FRAS1: variants seen among roughly 807,000 people sequenced by gnomAD.
FRAS1 encodes the protein Fraser extracellular matrix complex subunit 1.
In FRAS1, 290 loss-of-function variants were observed where a neutral mutation model predicts 435.2. That is an observed-to-expected ratio of 0.67 (90% confidence interval 0.61 to 0.73). The LOEUF (loss-of-function observed/expected upper bound fraction) is 0.73. Ranked by LOEUF, FRAS1 falls within the 30% of genes least tolerant of loss-of-function variation. FRAS1 has a pLI of 0.00. For synonymous variants in FRAS1, 1,800 were observed against 1,851.0 expected, an observed-to-expected ratio of 0.97 and a Z score of 0.71; for missense variants, 4,860 against 5,001.5, an observed-to-expected ratio of 0.97 and a Z score of 0.85.
chr4:78,429,062 GTCTC>G (rs777177331), intron 35 of FRAS1, 29 bp from the exon 36 acceptor site: 10 of 1,542,576 alleles, frequency 6.5e-6, no homozygotes, highest in Non-Finnish European at 8.8e-6. Flanking sequence ...GTGTGTGTGT[GTCTC>G]TGTGTGTGTG....
At chr4:78,189,695 G>C (rs1185723149) in intron 2 of FRAS1, among the ~76,000 whole-genome samples, 1 of 152,076 alleles carries the variant, frequency 6.6e-6, no homozygotes, top group East Asian at 1.9e-4. Flanking sequence ...CTCTAGCCCT[G>C]ACCTCTCCCA....
chr4:78,406,086 A>G (rs1184825079), intron 30 of FRAS1, among the ~76,000 whole-genome samples: 1 of 152,220 alleles, frequency 6.6e-6, no homozygotes, highest in Admixed American at 6.5e-5. Context: ...GGAGGAGAAA[A>G]CATGATAAGT....
chr4:78,267,420 G>A lies in FRAS1; in HGVS notation c.969G>A (p.Val323=), dbSNP rs377333036. The A allele has an allele frequency of 1.1e-4, 173 of 1,613,728 alleles. 1 individual carries two copies. The African/African-American group carries it at 2.0e-3, about 19-fold the overall frequency. Residue 323 remains valine, a synonymous_variant, in exon 9 of 74, where the codon GTG becomes GTA. Coordinates refer to ENST00000512123, the MANE Select transcript of FRAS1 (RefSeq NM_025074.7). ...VTCQTGECAK[V]ECARDEELIH... Reference sequence around the variant, plus strand: ...GCCAGACTGGAGAGTGTGCCAAAGTGGAGTGTGCCCGGGTAAGAAGCAGGG... The same window carrying A: ...GCCAGACTGGAGAGTGTGCCAAAGTAGAGTGTGCCCGGGTAAGAAGCAGGG...
At position 78,057,471 on chromosome 4, in the gene FRAS1, C is replaced by T. The variant is rs1739516533; in HGVS notation, c.-539C>T. ...GCGGACCCCGGCAGATGAGGTCTGC[C>T]GAGCCGGGTGGCTCGACCAAGGAGT... On this transcript the variant is annotated 5_prime_UTR_variant, in exon 1 of 74. Transcript: ENST00000512123. The surrounding 1 kb of genome is among the most constrained non-coding windows in gnomAD (Gnocchi z 4.2). 1 of 154,046 alleles carries T rather than the reference C, an allele frequency of 6.5e-6. No homozygotes were observed. The highest frequency in any genetic ancestry group is 2.0e-4 in the South Asian group (1 of 4,908). 9.5% of individuals were successfully genotyped at this position (154,046 alleles called of 1,614,324 possible).
intron 2 of FRAS1, among the ~76,000 whole-genome samples, chr4:78,140,837 T>A (rs113306323): frequency 4.5e-4 from 68 of 152,076 alleles, no homozygotes; most frequent in African/African-American, 1.6e-3. Flanking sequence ...AGGAATGAAT[T>A]AACAGCATTT....
At chr4:78,271,214 A>C (rs1400167377) in intron 9 of FRAS1, among the ~76,000 whole-genome samples, 1 of 152,186 alleles carries the variant, frequency 6.6e-6, no homozygotes, top group Non-Finnish European at 1.5e-5. Flanking sequence ...TGGTTTCTAC[A>C]CTTTTAAATA....
chr4:78,203,686 C>A (rs1162138764), intron 2 of FRAS1, among the ~76,000 whole-genome samples: 13 of 152,018 alleles, frequency 8.6e-5, no homozygotes, highest in Non-Finnish European at 2.9e-5. Flanking sequence ...CCTGCTTCAG[C>A]CTCCTGAGTA....
intron 40 of FRAS1, among the ~76,000 whole-genome samples, chr4:78,439,848 T>G (rs1170873738): frequency 6.6e-6 from 1 of 152,102 alleles, no homozygotes; most frequent in African/African-American, 2.4e-5. Flanking sequence ...TCTCTAATGA[T>G]TAATAAAATA....
chr4:78,179,377 G>A (rs976060113), intron 2 of FRAS1, among the ~76,000 whole-genome samples: 8 of 152,180 alleles, frequency 5.3e-5, no homozygotes, highest in African/African-American at 1.9e-4. Flanking sequence ...GTGCCAGCAG[G>A]TAGGCAGGCA....
At chr4:78,526,430 C>A in intron 69 of FRAS1, 111 bp from the exon 70 acceptor site, 1 of 644,168 alleles carries the variant, frequency 1.6e-6, no homozygotes, top group Non-Finnish European at 2.7e-6. Flanking sequence ...TTCTTAGATG[C>A]TGGACACAAA....
At chr4:78,113,398 G>A (rs1288415852) in intron 2 of FRAS1, among the ~76,000 whole-genome samples, 6 of 152,188 alleles carry the variant, frequency 3.9e-5, no homozygotes, top group South Asian at 4.1e-4. Context: ...CTGAGGAATC[G>A]TCACACTGAC....
chr4:78,524,488 T>C (rs911398467), intron 69 of FRAS1, among the ~76,000 whole-genome samples: 1 of 152,134 alleles, frequency 6.6e-6, no homozygotes. Context: ...TGGGAAATGC[T>C]TAGATTCTAG....
intron 14 of FRAS1, among the ~76,000 whole-genome samples, chr4:78,306,040 T>C (rs1425717291): frequency 1.3e-5 from 2 of 152,188 alleles, no homozygotes; most frequent in African/African-American, 4.8e-5. Flanking sequence ...CTTCAGGAGC[T>C]CTTTTATGGT....
intron 2 of FRAS1, among the ~76,000 whole-genome samples, chr4:78,086,883 A>G (rs1383524206): frequency 5.3e-5 from 8 of 152,190 alleles, no homozygotes; most frequent in Non-Finnish European, 1.2e-4. Context: ...AAACTATTCC[A>G]ATCAATAGAA....
intron 44 of FRAS1, 131 bp downstream of exon 44, chr4:78,448,447 T>C: frequency 1.3e-6 from 1 of 790,950 alleles, no homozygotes; most frequent in East Asian, 2.8e-5. Context: ...CTTGGGGAGA[T>C]TGGAGTCTTG....
chr4:78,414,765 G>T (rs898469629), intron 32 of FRAS1, among the ~76,000 whole-genome samples: 2 of 152,222 alleles, frequency 1.3e-5, no homozygotes, highest in Non-Finnish European at 2.9e-5. Flanking sequence ...AGCTCCTAAT[G>T]TATGTTAAGT....
At chr4:78,502,313 A>G (rs1315629157) in intron 61 of FRAS1, among the ~76,000 whole-genome samples, 1 of 152,164 alleles carries the variant, frequency 6.6e-6, no homozygotes, top group Non-Finnish European at 1.5e-5. Context: ...CTTGGGCAGT[A>G]TGGCCATTTT....
At chr4:78,414,781 G>A (rs1733484282) in intron 32 of FRAS1, among the ~76,000 whole-genome samples, 2 of 152,182 alleles carry the variant, frequency 1.3e-5, no homozygotes, top group South Asian at 4.1e-4. Context: ...TAAGTGCTGT[G>A]GAAGACATTG....
Position 78,542,101 on chromosome 4 carries a change from A to T in FRAS1, c.*977A>T, listed in dbSNP as rs910824392. On this transcript the variant is annotated 3_prime_UTR_variant, in exon 74 of 74. Transcript: ENST00000512123. ...TGTTAGTGCTTCGGGAAAGTAAGTG[A>T]TTCATTTGAATAAGGCAAATTAGGA... 6.6e-6 allele frequency: 1 copy of T among 152,222 alleles called. No homozygotes were observed. Among genetic ancestry groups the T allele is most frequent in the Non-Finnish European group, 1.5e-5 (1 of 68,038 alleles). The allele number at this position is 152,222 out of a possible 1,614,324, so 9.4% of individuals were successfully genotyped here.
Sources: gnomAD v4.1 joint callset for allele counts (sites outside exome capture counted in the v4.1 genomes callset) on GRCh38, gnomAD v4.1.1 for gene constraint, Gnocchi (gnomAD v3.1) non-coding constraint, MANE v1.5 for transcripts, NCBI Gene and HGNC (gene_info 2026-07-23, HGNC 2026-07-21) for gene names.